The following SORCS3 variants were observed in gnomAD, a reference collection of about 807,000 sequenced individuals.
The protein encoded by SORCS3 is sortilin related VPS10 domain containing receptor 3.
SORCS3 carries 57 observed loss-of-function variants against 146.3 expected under a neutral mutation model. The observed-to-expected ratio is 0.39, with a 90% CI of 0.31 to 0.49. The LOEUF is 0.49. Among genes scored for constraint, SORCS3 ranks in the 20% least tolerant of loss-of-function variants. The pLI is 0.92. For synonymous variants in SORCS3, 653 were observed against 618.5 expected, an observed-to-expected ratio of 1.06 and a Z score of -0.83; for missense variants, 1,341 against 1,575.5, an observed-to-expected ratio of 0.85 and a Z score of 2.52.
chr10:104,661,604 A>G (rs995765804), intron 1 of SORCS3, among the ~76,000 whole-genome samples: 2 of 152,286 alleles, frequency 1.3e-5, no homozygotes, highest in East Asian at 1.9e-4. Flanking sequence ...AACACACTTC[A>G]TAGTTGAGTT....
chr10:104,942,922 G>A (rs1369874349), intron 3 of SORCS3, among the ~76,000 whole-genome samples: 1 of 152,082 alleles, frequency 6.6e-6, no homozygotes, highest in Non-Finnish European at 1.5e-5. Flanking sequence ...CTTTTATTCA[G>A]CATTATAATG....
At chr10:105,246,862 C>T (rs1323119031) in intron 21 of SORCS3, among the ~76,000 whole-genome samples, 1 of 152,192 alleles carries the variant, frequency 6.6e-6, no homozygotes, top group Non-Finnish European at 1.5e-5. Context: ...AGACTCCATT[C>T]CAACCAAGTC....
At chr10:104,668,022 C>A (rs570164019) in intron 1 of SORCS3, among the ~76,000 whole-genome samples, 1 of 152,092 alleles carries the variant, frequency 6.6e-6, no homozygotes, top group Non-Finnish European at 1.5e-5. Flanking sequence ...GTTCAAGGCG[C>A]CTTCGTGGCA....
At chr10:104,777,355 G>A (rs1361492799) in intron 1 of SORCS3, among the ~76,000 whole-genome samples, 1 of 152,184 alleles carries the variant, frequency 6.6e-6, no homozygotes, top group Non-Finnish European at 1.5e-5. Context: ...TGAGCTGCAG[G>A]CAAGGGGGAT....
At chr10:105,135,137 C>T (rs1162101599) in intron 7 of SORCS3, among the ~76,000 whole-genome samples, 4 of 152,124 alleles carry the variant, frequency 2.6e-5, no homozygotes, top group Non-Finnish European at 4.4e-5. Flanking sequence ...CCATGTCCCA[C>T]CTTCCAGGCC....
At position 105,110,182 on chromosome 10, in the gene SORCS3, T is replaced by G. The variant is rs1174371218; in HGVS notation, c.1212+4667T>G. 2.3e-3 allele frequency among the ~76,000 whole-genome samples: 348 copies of G among 152,200 alleles called. 1 individual carries two copies. Among genetic ancestry groups the G allele is most frequent in the African/African-American group, 7.8e-3 (326 of 41,558 alleles). On this transcript the variant is annotated intron_variant, in intron 7 of 26. Coordinates refer to ENST00000369701, the MANE Select transcript of SORCS3 (RefSeq NM_014978.3). ...TTTTTTTTCTTTTTCCTGTTTTTGT[T>G]TAACTTCTTTTCTGAGCTTTGCCAG... is the stretch of plus-strand genomic sequence containing the variant.
intron 1 of SORCS3, among the ~76,000 whole-genome samples, chr10:104,669,918 T>G (rs181329373): frequency 1.3e-5 from 2 of 152,250 alleles, no homozygotes; most frequent in Non-Finnish European, 2.9e-5. Context: ...AGTAGTCATC[T>G]GAATGGAAGA....
At chr10:104,957,499 A>G (rs1241690616) in intron 3 of SORCS3, among the ~76,000 whole-genome samples, 1 of 152,062 alleles carries the variant, frequency 6.6e-6, no homozygotes, top group Non-Finnish European at 1.5e-5. Flanking sequence ...AACAACAAAA[A>G]GTTTGCGAGG....
At chr10:105,050,380 G>T (rs1242604336) in intron 5 of SORCS3, among the ~76,000 whole-genome samples, 1 of 152,020 alleles carries the variant, frequency 6.6e-6, no homozygotes, top group Non-Finnish European at 1.5e-5. Context: ...ATGCTTACTT[G>T]CTCAAAGCAA....
intron 6 of SORCS3, 62 bp downstream of exon 6, chr10:105,089,901 C>A: frequency 2.3e-6 from 3 of 1,331,294 alleles, no homozygotes; most frequent in East Asian, 2.3e-5. Context: ...CTGTCCTCCC[C>A]CAATTTGCAT....
rs755697777 is a variant in SORCS3 at position 105,105,535 on chromosome 10, T to G, written c.1212+20T>G. 2.6e-6 allele frequency: 4 copies of G among 1,546,726 alleles called. No homozygotes were observed. The highest frequency in any genetic ancestry group is 3.6e-6 in the Non-Finnish European group (4 of 1,119,130). ...ATTCAGGTGAGTACAGAAAGTGCAG[T>G]TGGTGGTAGGAGGATGCATCGTTGA... On this transcript the variant is annotated intron_variant, in intron 7 of 26. Coordinates refer to ENST00000369701, the MANE Select transcript of SORCS3 (RefSeq NM_014978.3).
intron 23 of SORCS3, among the ~76,000 whole-genome samples, chr10:105,255,208 A>G (rs1054028350): frequency 6.6e-6 from 1 of 151,608 alleles, no homozygotes; most frequent in East Asian, 1.9e-4. Flanking sequence ...AAAAAAAAAA[A>G]AAAGTGGATC....
chr10:105,076,348 A>C (rs2055589151), intron 5 of SORCS3, among the ~76,000 whole-genome samples: 1 of 152,204 alleles, frequency 6.6e-6, no homozygotes, highest in Admixed American at 6.5e-5. Context: ...TGAAATCTCC[A>C]CAAGTACCCT....
chr10:105,094,823 A>G (rs2055734383), intron 6 of SORCS3, among the ~76,000 whole-genome samples: 1 of 152,208 alleles, frequency 6.6e-6, no homozygotes, highest in African/African-American at 2.4e-5. Flanking sequence ...GAAACTTGCA[A>G]GTTCCCAGAA....
At chr10:104,966,768 C>T (rs1048916642) in intron 3 of SORCS3, among the ~76,000 whole-genome samples, 1 of 152,096 alleles carries the variant, frequency 6.6e-6, no homozygotes, top group Non-Finnish European at 1.5e-5. Flanking sequence ...TTTGACATCT[C>T]CAATACTAAT....
At chr10:104,987,970 C>T (rs115409125) in intron 4 of SORCS3, among the ~76,000 whole-genome samples, 2,048 of 152,090 alleles carry the variant, frequency 0.013, 46 homozygotes, top group African/African-American at 0.046. Flanking sequence ...CGTATAGCTG[C>T]TCCTTGGAAA....
chr10:105,001,771 A>T (rs140166799), intron 4 of SORCS3, among the ~76,000 whole-genome samples: 63 of 152,320 alleles, frequency 4.1e-4, no homozygotes, highest in Non-Finnish European at 1.9e-4. Flanking sequence ...TTTCATGAAC[A>T]CAGACAAGTT....
At chr10:105,259,449 G>A (rs937341784) in intron 25 of SORCS3, among the ~76,000 whole-genome samples, 5 of 152,164 alleles carry the variant, frequency 3.3e-5, no homozygotes, top group African/African-American at 9.7e-5. Context: ...CACTGGAAAT[G>A]ATCTCAGTAT....
chr10:105,077,516 A>G (rs1007898999), intron 5 of SORCS3, among the ~76,000 whole-genome samples: 2 of 114,606 alleles, frequency 1.7e-5, no homozygotes, highest in Non-Finnish European at 3.5e-5. Flanking sequence ...AAACTGACTA[A>G]ATTAAACACA....
Sources: allele counts gnomAD v4.1 joint callset (sites outside exome capture counted in the v4.1 genomes callset), GRCh38; gene constraint gnomAD v4.1.1; transcripts MANE v1.5; gene names NCBI Gene and HGNC (gene_info 2026-07-23, HGNC 2026-07-21).